The following TGFBR3 variants were observed in gnomAD, a reference collection of about 807,000 sequenced individuals.
TGFBR3 encodes transforming growth factor beta receptor 3, also known as transforming growth factor beta receptor type 3.
A neutral mutation model predicts 87.9 loss-of-function variants in TGFBR3; 46 were observed. That is an observed-to-expected ratio of 0.52 (90% CI 0.41 to 0.67). The LOEUF (loss-of-function observed/expected upper bound fraction) is 0.67, where lower values mean the gene tolerates loss of function less well. TGFBR3 is among the 30% of genes least tolerant of loss of function. The probability of loss-of-function intolerance (pLI) is 0.00; values close to 1 mark genes in which losing one functional copy is unlikely to be tolerated. For missense variants in TGFBR3, 866 were observed against 1,041.9 expected (o/e 0.83, Z 2.32); for synonymous variants, 381 against 391.6 (o/e 0.97, Z 0.32).
intron 7 of TGFBR3, 107 bp from the exon 8 acceptor site, chr1:91,722,251 AATT>A: frequency 1.0e-6 from 1 of 967,072 alleles, no homozygotes; most frequent in South Asian, 1.6e-5. Flanking sequence ...TATATGAGGG[AATT>A]ATTTATTCTT....
intron 2 of TGFBR3, among the ~76,000 whole-genome samples, chr1:91,841,595 C>A (rs1677283675): frequency 6.6e-6 from 1 of 151,970 alleles, no homozygotes. Flanking sequence ...GAGTTCAAGA[C>A]CAGCCTGACC....
At chr1:91,736,672 C>T (rs1441593249) in intron 4 of TGFBR3, among the ~76,000 whole-genome samples, 1 of 152,108 alleles carries the variant, frequency 6.6e-6, no homozygotes, top group Non-Finnish European at 1.5e-5. Context: ...GAACTTCCAA[C>T]AATGTTTATC....
intron 2 of TGFBR3, among the ~76,000 whole-genome samples, chr1:91,818,034 T>C (rs1676296988): frequency 6.6e-6 from 1 of 152,160 alleles, no homozygotes; most frequent in African/African-American, 2.4e-5. Context: ...CCCCCACTCC[T>C]GAAAAAGGCT....
At chr1:91,849,577 T>G (rs1449489613) in intron 2 of TGFBR3, among the ~76,000 whole-genome samples, 1 of 152,230 alleles carries the variant, frequency 6.6e-6, no homozygotes, top group Non-Finnish European at 1.5e-5. Context: ...CCAACCTCTT[T>G]GCTTTTTATT....
chr1:91,708,869 T>C, intron 13 of TGFBR3, 86 bp from the exon 14 acceptor site: 1 of 1,556,202 alleles, frequency 6.4e-7, no homozygotes, highest in Non-Finnish European at 8.7e-7. Context: ...TCCTGTGGCC[T>C]TTTATCAGAC....
At chr1:91,802,149 T>C (rs1384082365) in intron 2 of TGFBR3, among the ~76,000 whole-genome samples, 2 of 152,056 alleles carry the variant, frequency 1.3e-5, no homozygotes, top group African/African-American at 2.4e-5. Context: ...GGCAGTGTGA[T>C]TGTATGAAGT....
chr1:91,756,452 G>A (rs949940099), intron 4 of TGFBR3, among the ~76,000 whole-genome samples: 2 of 152,106 alleles, frequency 1.3e-5, no homozygotes, highest in African/African-American at 4.8e-5. Flanking sequence ...CTAGCCATGT[G>A]ATTTGGCCCA....
Position 91,758,694 on chromosome 1 carries a change from C to G in TGFBR3, c.303G>C (p.Val101=). 1.2e-6 allele frequency: 2 copies of G among 1,614,024 alleles called. No homozygotes were observed. The highest frequency in any genetic ancestry group is 1.7e-6 in the Non-Finnish European group (2 of 1,179,946). Residue 101 remains valine, a synonymous_variant, in exon 4 of 17, where the codon GTG becomes GTC. Transcript: ENST00000212355. ...SSVHIHHKSV[V]FLLNSPHPLV... ...GGGGGTGTGGGGAGTTGAGCAGGAA[C>G]ACAACAGACTTGTGGTGGATGTGGA...
In TGFBR3 at chr1:91,680,908, A is replaced by C; in HGVS notation, c.*2831T>G. ...ATGCTATAGAAACAGTTTAGACAGA[A>C]GAAATCTCTGGCTTTTTAAAATACA... On this transcript the variant is annotated 3_prime_UTR_variant, in exon 17 of 17. Coordinates refer to ENST00000212355, the MANE Select transcript of TGFBR3 (RefSeq NM_003243.5). 2.2e-6 allele frequency: 1 copy of C among 454,088 alleles called. No individual in the cohort carries two copies. 28.1% of individuals were successfully genotyped at this position (454,088 alleles called of 1,614,324 possible). A position where few individuals can be genotyped will look rare whatever the true frequency, so the allele number is the denominator to read the frequency against.
intron 1 of TGFBR3, among the ~76,000 whole-genome samples, chr1:91,876,585 C>G (rs901090151): frequency 6.6e-6 from 1 of 152,124 alleles, no homozygotes; most frequent in African/African-American, 2.4e-5. Context: ...TAACAAAAAC[C>G]ATAGCACCAC....
At chr1:91,696,625 T>C (rs927171192) in intron 15 of TGFBR3, among the ~76,000 whole-genome samples, 2 of 152,300 alleles carry the variant, frequency 1.3e-5, no homozygotes, top group East Asian at 1.9e-4. Context: ...GAGTCACTTA[T>C]AAAAAGTTAA....
intron 13 of TGFBR3, 53 bp downstream of exon 13, chr1:91,712,190 G>T: frequency 6.4e-7 from 1 of 1,553,494 alleles, no homozygotes; most frequent in Non-Finnish European, 8.8e-7. Context: ...AAACTTTTCT[G>T]CCTCACCTAA....
At chr1:91,853,184 G>C (rs1677806795) in intron 2 of TGFBR3, among the ~76,000 whole-genome samples, 1 of 115,416 alleles carries the variant, frequency 8.7e-6, no homozygotes. Context: ...ATAAAAATAA[G>C]ATAAAATAAT....
intron 4 of TGFBR3, among the ~76,000 whole-genome samples, chr1:91,751,410 C>T (rs944965526): frequency 5.3e-5 from 8 of 152,180 alleles, no homozygotes; most frequent in Non-Finnish European, 8.8e-5. Flanking sequence ...GTGGTATGGG[C>T]TGTGCGTGTC....
chr1:91,794,725 T>C (rs1675312727), intron 3 of TGFBR3, among the ~76,000 whole-genome samples: 1 of 152,206 alleles, frequency 6.6e-6, no homozygotes, highest in African/African-American at 2.4e-5. Flanking sequence ...CAGTATGCCA[T>C]CCTTTTTACT....
intron 2 of TGFBR3, among the ~76,000 whole-genome samples, chr1:91,850,321 G>A (rs1189330483): frequency 6.6e-6 from 1 of 152,130 alleles, no homozygotes; most frequent in African/African-American, 2.4e-5. Flanking sequence ...AAAAGGAAAA[G>A]ATAAGGGCGG....
At chr1:91,863,206 A>C (rs1571583986) in intron 1 of TGFBR3, among the ~76,000 whole-genome samples, 1 of 152,344 alleles carries the variant, frequency 6.6e-6, no homozygotes, top group East Asian at 1.9e-4. Flanking sequence ...TTCCAATTTC[A>C]AAAAGAATTT....
chr1:91,786,247 T>C, intron 3 of TGFBR3: 1 of 456,186 alleles, frequency 2.2e-6, no homozygotes, highest in South Asian at 1.5e-5. Context: ...AATAAACAAA[T>C]TCATTATGAG....
At chr1:91,850,838 C>CTCCAGGGG (rs1202283499) in intron 2 of TGFBR3, among the ~76,000 whole-genome samples, 3 of 150,274 alleles carry the variant, frequency 2.0e-5, no homozygotes, top group African/African-American at 7.4e-5. Context: ...AGAGGCTGAA[C>CTCCAGGGG]CTCTGCCCTC....
Sources: allele counts gnomAD v4.1 joint callset (sites outside exome capture counted in the v4.1 genomes callset), GRCh38; gene constraint gnomAD v4.1.1; transcripts MANE v1.5; gene names NCBI Gene and HGNC (gene_info 2026-07-23, HGNC 2026-07-21).